ITPR1: variants seen among roughly 807,000 people sequenced by gnomAD.
ITPR1 encodes inositol 1,4,5-trisphosphate receptor type 1.
A neutral mutation model predicts 318.4 loss-of-function variants in ITPR1; 96 were observed. The observed-to-expected ratio is 0.30, with a 90% CI of 0.26 to 0.36. The LOEUF is 0.36. ITPR1 is among the 10% of genes least tolerant of loss of function. The pLI, the probability that ITPR1 is intolerant of heterozygous loss-of-function variation, is 1.00. For missense variants in ITPR1, 2,440 were observed against 3,460.2 expected, an observed-to-expected ratio of 0.71 and a Z score of 7.40; for synonymous variants, 1,312 against 1,289.9, an observed-to-expected ratio of 1.02 and a Z score of -0.37.
At chr3:4,768,872 A>G in intron 46 of ITPR1, 108 bp downstream of exon 46, 2 of 1,086,664 alleles carry the variant, frequency 1.8e-6, no homozygotes, top group African/African-American at 1.6e-5. Context: ...GCTTGAGCCA[A>G]GGATCCAGCA....
chr3:4,680,314 T>A (rs2094272415), intron 24 of ITPR1, among the ~76,000 whole-genome samples: 2 of 152,176 alleles, frequency 1.3e-5, no homozygotes. Context: ...TTAAATTAAT[T>A]GCCAGGATGC....
intron 8 of ITPR1, 39 bp downstream of exon 8, chr3:4,644,273 T>C (rs2093404449): frequency 7.0e-7 from 1 of 1,426,372 alleles, no homozygotes; most frequent in Non-Finnish European, 9.7e-7. Context: ...GTGGTTATCC[T>C]GCAGGAGCGG....
chr3:4,543,814 A>G (rs1039416672), intron 4 of ITPR1, among the ~76,000 whole-genome samples: 6 of 152,242 alleles, frequency 3.9e-5, no homozygotes, highest in Non-Finnish European at 7.3e-5. Flanking sequence ...GGCTTAAAAC[A>G]TAAGGGCATT....
intron 4 of ITPR1, among the ~76,000 whole-genome samples, chr3:4,566,604 G>GCACACGCA (rs1553626573): frequency 7.1e-6 from 1 of 140,898 alleles, no homozygotes. Context: ...GGGGACACAT[G>GCACACGCA]CACACACACA....
chr3:4,533,590 G>C (rs1326856968), intron 4 of ITPR1, among the ~76,000 whole-genome samples: 1 of 152,224 alleles, frequency 6.6e-6, no homozygotes, highest in Non-Finnish European at 1.5e-5. Flanking sequence ...ACATCTCTTA[G>C]GAAGCTCAAA....
At chr3:4,692,654 A>G (rs1412455242) in intron 32 of ITPR1, among the ~76,000 whole-genome samples, 1 of 152,230 alleles carries the variant, frequency 6.6e-6, no homozygotes, top group African/African-American at 2.4e-5. Flanking sequence ...TTTATTCTTA[A>G]ATAAATTTGC....
In ITPR1 at chr3:4,624,670, C is replaced by CAA. The variant is rs1161664837; in HGVS notation, c.164-3071_164-3070dup. ...GGGCAACAGAGCCAGGCTCTGTCTC[C>CAA]AAAAAAAAAAAAAAAAAAAAAAAGA... On this transcript the variant is annotated intron_variant, in intron 4 of 61. Transcript: ENST00000649015. Among the ~76,000 whole-genome samples the CAA allele has an allele frequency of 9.9e-3, 711 of 71,714 alleles. 12 individuals carry two copies. Among genetic ancestry groups the CAA allele is most frequent in the African/African-American group, 0.028 (639 of 23,000 alleles). The allele number at this position is 71,714 out of a possible 152,430, so 47.0% of individuals were successfully genotyped here.
chr3:4,827,722 A>G (rs1246504943), intron 60 of ITPR1, among the ~76,000 whole-genome samples: 1 of 152,190 alleles, frequency 6.6e-6, no homozygotes, highest in African/African-American at 2.4e-5. Context: ...TTCGTGAAAT[A>G]TGAAACAGGA....
chr3:4,638,229 CT>C (rs2125146831), intron 5 of ITPR1, among the ~76,000 whole-genome samples: 1 of 152,348 alleles, frequency 6.6e-6, no homozygotes, highest in South Asian at 2.1e-4. Flanking sequence ...CTTCGAAACC[CT>C]TCTGAAGAAC....
At chr3:4,607,523 AAG>A (rs575014336) in intron 4 of ITPR1, among the ~76,000 whole-genome samples, 10 of 152,240 alleles carry the variant, frequency 6.6e-5, no homozygotes, top group South Asian at 2.1e-4. Context: ...GGGGAATTGC[AAG>A]AGAGAGAGTT....
chr3:4,528,933 A>T (rs1575423894), intron 4 of ITPR1, among the ~76,000 whole-genome samples: 1 of 152,210 alleles, frequency 6.6e-6, no homozygotes, highest in African/African-American at 2.4e-5. Context: ...CAAAACTGTA[A>T]TTTAAGTCAA....
intron 4 of ITPR1, among the ~76,000 whole-genome samples, chr3:4,564,443 A>G (rs1036178860): frequency 3.9e-5 from 6 of 151,954 alleles, no homozygotes; most frequent in Admixed American, 1.3e-4. Context: ...AATAGGTCCC[A>G]CCCCGCTCCA....
intron 44 of ITPR1, chr3:4,750,256 C>A (rs1397120091): frequency 1.3e-5 from 2 of 151,222 alleles, no homozygotes; most frequent in African/African-American, 2.4e-5. Flanking sequence ...TTTTTTTAAT[C>A]CGCGGAGGAG....
chr3:4,635,372 A>G (rs1432870219), intron 5 of ITPR1, among the ~76,000 whole-genome samples: 3 of 151,526 alleles, frequency 2.0e-5, no homozygotes, highest in East Asian at 2.0e-4. Context: ...ACGGAGTCTC[A>G]CTCTGTCGCC....
At chr3:4,724,830 A>G (rs571425091) in intron 40 of ITPR1, among the ~76,000 whole-genome samples, 1 of 152,212 alleles carries the variant, frequency 6.6e-6, no homozygotes, top group African/African-American at 2.4e-5. Context: ...AAATTATTAA[A>G]TCAAGGGGGA....
In ITPR1 at chr3:4,783,856, C is replaced by T. The variant is rs1368424654; in HGVS notation, c.6551C>T (p.Pro2184Leu). ...HNKELQSMLK[P>L]GGQVDGDEAL... The stretch of plus-strand genomic sequence containing the variant: ...AAAGAACTTCAGAGCATGCTGAAAC[C>T]TGGTGGCCAAGTGGACGGAGATGAA... Residue 2184 changes from proline (P) to leucine (L), a missense_variant, in exon 51 of 62, where the codon CCT (proline) becomes CTT (leucine). Pro to Leu is a moderately conservative substitution (Grantham distance 98). This residue lies in a region of ITPR1 where 115 missense variants were observed against 204.5 expected (regional missense o/e 0.56). Coordinates refer to ENST00000649015, the MANE Select transcript of ITPR1 (RefSeq NM_001378452.1). 4 of 1,610,278 alleles carry T rather than the reference C, an allele frequency of 2.5e-6. No individual in the cohort carries two copies. Among genetic ancestry groups the T allele is most frequent in the Non-Finnish European group, 3.4e-6 (4 of 1,178,358 alleles).
chr3:4,806,602 T>TA (rs762810606), intron 55 of ITPR1, among the ~76,000 whole-genome samples: 7 of 152,226 alleles, frequency 4.6e-5, no homozygotes, highest in Non-Finnish European at 1.0e-4. Flanking sequence ...CAGCCGCACT[T>TA]ACACCAAGAG....
At chr3:4,634,030 G>A (rs1227404941) in intron 5 of ITPR1, among the ~76,000 whole-genome samples, 2 of 152,172 alleles carry the variant, frequency 1.3e-5, no homozygotes, top group African/African-American at 4.8e-5. Context: ...TGGCTATGAT[G>A]GGGCAGACCT....
intron 10 of ITPR1, among the ~76,000 whole-genome samples, chr3:4,648,612 C>G (rs1403363295): frequency 1.3e-5 from 2 of 152,172 alleles, no homozygotes; most frequent in Non-Finnish European, 2.9e-5. Flanking sequence ...GAATTCAAGA[C>G]CAACCTGGTC....
Sources: gnomAD v4.1 joint callset for allele counts (sites outside exome capture counted in the v4.1 genomes callset) on GRCh38, gnomAD v4.1.1 for gene constraint, gnomAD v4.1.1 regional missense constraint, MANE v1.5 for transcripts, NCBI Gene and HGNC (gene_info 2026-07-23, HGNC 2026-07-21) for gene names.